Variants in ABCC6 observed in about 807,000 individuals in gnomAD.
ABCC6 encodes the protein ATP-binding cassette sub-family C member 6.
ABCC6 carries 126 observed loss-of-function variants against 169.5 expected under a neutral mutation model. That is an observed-to-expected ratio of 0.74 (90% CI 0.64 to 0.86). The LOEUF is 0.86. ABCC6 is among the 40% of genes least tolerant of loss of function. ABCC6 has a pLI of 0.00. For missense variants in ABCC6, 1,733 were observed against 1,927.2 expected (o/e 0.90, Z 1.89); for synonymous variants, 752 against 814.7 (o/e 0.92, Z 1.31).
intron 7 of ABCC6, among the ~76,000 whole-genome samples, chr16:16,206,926 C>G (rs1339052623): frequency 2.0e-5 from 3 of 152,184 alleles, no homozygotes; most frequent in African/African-American, 7.2e-5. Flanking sequence ...CCCCTGAGGT[C>G]AGGAGTTCAA....
At chr16:16,160,291 G>A (rs1596601780) in intron 25 of ABCC6, among the ~76,000 whole-genome samples, 1 of 152,250 alleles carries the variant, frequency 6.6e-6, no homozygotes, top group African/African-American at 2.4e-5. Context: ...TGTAAAATGA[G>A]GATAATAACA....
rs1358722561 is a variant in ABCC6 at position 16,161,540 on chromosome 16, G to A, written c.3531C>T (p.Leu1177=). 6.2e-7 allele frequency: 1 copy of A among 1,613,982 alleles called. No individual in the cohort carries two copies. The highest frequency in any genetic ancestry group is 8.5e-7 in the Non-Finnish European group (1 of 1,180,030). Residue 1177 remains leucine, a synonymous_variant, in exon 25 of 31, where the codon CTC becomes CTT. Coordinates refer to ENST00000205557, the MANE Select transcript of ABCC6 (RefSeq NM_001171.6). ...CTGCAAACACCAGGCCATTCCCCAG[G>A]AGCTCCACATTGGCCGCAAGCCACC... The part of the protein sequence containing the change: ...ADRWLAANVE[L]LGNGLVFAAA...
chr16:16,158,540 A>C (rs1236289364), intron 26 of ABCC6, among the ~76,000 whole-genome samples: 1 of 152,052 alleles, frequency 6.6e-6, no homozygotes, highest in African/African-American at 2.4e-5. Context: ...CTTCTACCCT[A>C]TTCATCAACT....
At chr16:16,185,739 T>G (rs1333905417) in intron 14 of ABCC6, among the ~76,000 whole-genome samples, 1 of 151,974 alleles carries the variant, frequency 6.6e-6, no homozygotes, top group Non-Finnish European at 1.5e-5. Flanking sequence ...GAACCAAGAT[T>G]GCACCACTGC....
At position 16,208,965 on chromosome 16, in the gene ABCC6, G is replaced by A. The variant is rs572056471; in HGVS notation, c.663-106C>T. The A allele has an allele frequency of 4.5e-6, 7 of 1,554,528 alleles. No individual in the cohort carries two copies. In the African/African-American group the frequency reaches 9.5e-5, roughly 21 times the overall value. ...CCTGGGTAAGTCACTTTACCTCTCTGTACCTCTACTGGCCCCTGGGTAAAA... is the reference window on the plus strand; with the variant it reads ...CCTGGGTAAGTCACTTTACCTCTCTATACCTCTACTGGCCCCTGGGTAAAA... On this transcript the variant is annotated intron_variant, in intron 6 of 30. Coordinates refer to ENST00000205557, the MANE Select transcript of ABCC6 (RefSeq NM_001171.6).
chr16:16,161,715 G>A (rs1210902218), intron 24 of ABCC6, 151 bp from the exon 25 acceptor site: 5 of 1,066,648 alleles, frequency 4.7e-6, no homozygotes, highest in Non-Finnish European at 7.0e-6. Context: ...GGGAGTAGAG[G>A]AAGATGACAC....
At chr16:16,151,660 G>C (rs1444573252) in intron 29 of ABCC6, among the ~76,000 whole-genome samples, 1 of 152,136 alleles carries the variant, frequency 6.6e-6, no homozygotes, top group Non-Finnish European at 1.5e-5. Context: ...TTTCCACCTT[G>C]TGCCAAACAC....
intron 6 of ABCC6, among the ~76,000 whole-genome samples, chr16:16,209,783 A>G (rs1318952088): frequency 1.3e-5 from 2 of 151,588 alleles, no homozygotes; most frequent in Non-Finnish European, 2.9e-5. Flanking sequence ...GTGTTTTTGG[A>G]TGGTGTATCA....
At chr16:16,217,184 T>TTTTG (rs948212977) in intron 4 of ABCC6, among the ~76,000 whole-genome samples, 102 of 152,148 alleles carry the variant, frequency 6.7e-4, no homozygotes, top group African/African-American at 2.4e-3. Flanking sequence ...AGTTTTGGGT[T>TTTTG]TTTGTTTGTT....
At chr16:16,200,839 G>C (rs2048213057) in intron 9 of ABCC6, among the ~76,000 whole-genome samples, 1 of 151,024 alleles carries the variant, frequency 6.6e-6, no homozygotes, top group Admixed American at 6.6e-5. Context: ...CAGGGACTTA[G>C]CTTCCAGAGT....
intron 4 of ABCC6, among the ~76,000 whole-genome samples, chr16:16,215,276 A>G (rs2048819808): frequency 2.0e-5 from 3 of 151,282 alleles, no homozygotes; most frequent in African/African-American, 4.9e-5. Flanking sequence ...CAGAGAAGTG[A>G]CAGCACCTTG....
At chr16:16,213,047 T>C (rs2152294303) in intron 5 of ABCC6, among the ~76,000 whole-genome samples, 1 of 152,228 alleles carries the variant, frequency 6.6e-6, no homozygotes, top group East Asian at 1.9e-4. Context: ...AAAAGATTCC[T>C]ATGATAGTTT....
intron 13 of ABCC6, 111 bp downstream of exon 13, chr16:16,188,720 C>T (rs193223498): frequency 9.1e-6 from 13 of 1,428,282 alleles, no homozygotes; most frequent in Admixed American, 2.0e-5. Context: ...CATCCCTCTC[C>T]CTCCCACTCT....
At chr16:16,196,279 G>A (rs1341486411) in intron 10 of ABCC6, among the ~76,000 whole-genome samples, 1 of 151,896 alleles carries the variant, frequency 6.6e-6, no homozygotes, top group Non-Finnish European at 1.5e-5. Context: ...TCAAATGTCA[G>A]CATCCATAAA....
Position 16,219,958 on chromosome 16 carries a change from A to G in ABCC6, c.220-11T>C, listed in dbSNP as rs987867987. The G allele has an allele frequency of 1.3e-6, 2 of 1,538,214 alleles. No homozygotes were observed. The highest frequency in any genetic ancestry group is 1.8e-6 in the Non-Finnish European group (2 of 1,135,888). On this transcript the variant is annotated splice_polypyrimidine_tract_variant and intron_variant, in intron 2 of 30. Coordinates refer to ENST00000205557, the MANE Select transcript of ABCC6 (RefSeq NM_001171.6). ...GGCGAATCCAAGCACCTGAGGATAC[A>G]GGCTTAGATAAGCTTGGGGGGCAAT...
At chr16:16,164,327 T>C (rs564402771) in intron 23 of ABCC6, among the ~76,000 whole-genome samples, 1 of 152,224 alleles carries the variant, frequency 6.6e-6, no homozygotes, top group South Asian at 2.1e-4. Flanking sequence ...CCACCATGCC[T>C]AGCCCTAGCC....
intron 7 of ABCC6, among the ~76,000 whole-genome samples, chr16:16,204,988 A>C (rs1315917905): frequency 6.6e-6 from 1 of 151,318 alleles, no homozygotes; most frequent in East Asian, 1.9e-4. Context: ...GGCACACACC[A>C]CCATGCCTGG....
At chr16:16,185,093 G>C in intron 14 of ABCC6, 59 bp from the exon 15 acceptor site, 14 of 1,484,530 alleles carry the variant, frequency 9.4e-6, no homozygotes, top group Admixed American at 3.4e-5. Flanking sequence ...CTCTGCATCG[G>C]AGAGGCCCCC....
chr16:16,199,539 C>T lies in ABCC6; in HGVS notation c.1177-1357G>A, dbSNP rs1293793388. Among the ~76,000 whole-genome samples, 2 of 127,094 alleles carry T rather than the reference C, an allele frequency of 1.6e-5. 1 individual carries two copies. The highest frequency in any genetic ancestry group is 4.6e-4 in the East Asian group (2 of 4,392). 83.4% of individuals were successfully genotyped at this position (127,094 alleles called of 152,430 possible). A position where few individuals can be genotyped will look rare whatever the true frequency, so the allele number is the denominator to read the frequency against. ...TGGGGTCACAGTGGACCTCTTCCAG[C>T]CTGTTGAATGCTAAATTCCAAATGC... On this transcript the variant is annotated intron_variant, in intron 9 of 30. Coordinates refer to ENST00000205557, the MANE Select transcript of ABCC6 (RefSeq NM_001171.6).
Sources: gnomAD v4.1 joint callset for allele counts (sites outside exome capture counted in the v4.1 genomes callset) on GRCh38, gnomAD v4.1.1 for gene constraint, MANE v1.5 for transcripts, NCBI Gene and HGNC (gene_info 2026-07-23, HGNC 2026-07-21) for gene names.